The following TSHZ3 variants were observed in gnomAD, a reference collection of about 807,000 sequenced individuals.
TSHZ3 encodes the protein teashirt zinc finger homeobox 3, also known as teashirt homolog 3.
In TSHZ3, 10 loss-of-function variants were observed where a neutral mutation model predicts 64.5. That is an observed-to-expected ratio of 0.16 (90% CI 0.10 to 0.26). TSHZ3 has a LOEUF of 0.26. Among genes scored for constraint, TSHZ3 ranks in the 10% least tolerant of loss-of-function variants. The probability of loss-of-function intolerance (pLI) is 1.00; values close to 1 mark genes in which losing one functional copy is unlikely to be tolerated. For synonymous variants in TSHZ3, 608 were observed against 593.1 expected (o/e 1.03, Z -0.36); for missense variants, 1,242 against 1,421.7 (o/e 0.87, Z 2.03).
intron 4 of TSHZ3, among the ~76,000 whole-genome samples, chr19:31,216,846 C>T (rs539193503): frequency 6.6e-6 from 1 of 151,898 alleles, no homozygotes; most frequent in East Asian, 1.9e-4. Flanking sequence ...TTTGTAGAGA[C>T]ATGGTTTCAC....
downstream of TSHZ3, among the ~76,000 whole-genome samples, chr19:31,274,415 C>T (rs555205801): frequency 6.6e-5 from 10 of 152,264 alleles, no homozygotes; most frequent in African/African-American, 2.4e-4. Flanking sequence ...TTATCTGTGG[C>T]TGTTTTAACA....
At chr19:31,329,645 T>C (rs1053675726) in intron 1 of TSHZ3, among the ~76,000 whole-genome samples, 1 of 152,230 alleles carries the variant, frequency 6.6e-6, no homozygotes, top group Non-Finnish European at 1.5e-5. Flanking sequence ...TAGATGGCTT[T>C]AGATTTTTCA....
At chr19:31,337,223 G>A (rs1441775324) in intron 1 of TSHZ3, among the ~76,000 whole-genome samples, 40 of 151,876 alleles carry the variant, frequency 2.6e-4, no homozygotes, top group Admixed American at 2.6e-3. Flanking sequence ...GGGTGTGATG[G>A]ATGAGCCCCC....
rs991716203 is a variant in TSHZ3 at position 31,242,504 on chromosome 19, G to T, written n.315C>A. ...TGATGTCCAAAGGCAGCAGAAGATG[G>T]GTGCCTCGGTTCTACGTGAGAGAAC... is the stretch of plus-strand genomic sequence containing the variant. On this transcript the variant is annotated non_coding_transcript_exon_variant, in exon 3 of 7. Transcript: ENST00000651361. Among the ~76,000 whole-genome samples the T allele has an allele frequency of 2.6e-5, 4 of 152,060 alleles. 1 individual carries two copies. In the East Asian group the frequency reaches 7.7e-4, roughly 29 times the overall value.
chr19:31,349,834 C>T (rs2021655133), upstream of TSHZ3, among the ~76,000 whole-genome samples: 1 of 148,150 alleles, frequency 6.7e-6, no homozygotes, highest in Non-Finnish European at 1.5e-5. Context: ...GGAGCGGCGG[C>T]GTCGGCAACA....
intron 4 of TSHZ3, among the ~76,000 whole-genome samples, chr19:31,223,211 AAAT>A (rs1255903342): frequency 7.9e-5 from 12 of 152,200 alleles, no homozygotes; most frequent in African/African-American, 1.2e-4. Flanking sequence ...TCAGCTAATA[AAAT>A]AATAAGAATC....
chr19:31,295,953 G>A (rs915788183), intron 1 of TSHZ3, among the ~76,000 whole-genome samples: 2 of 143,268 alleles, frequency 1.4e-5, no homozygotes. Flanking sequence ...CATCTAGTAG[G>A]CCCCAGTGTC....
intron 5 of TSHZ3, among the ~76,000 whole-genome samples, chr19:31,189,125 A>T (rs576799950): frequency 4.0e-4 from 61 of 151,876 alleles, no homozygotes; most frequent in African/African-American, 1.3e-3. Context: ...CATCCTTTTT[A>T]TTACCAACCC....
intron 5 of TSHZ3, among the ~76,000 whole-genome samples, chr19:31,188,759 T>A (rs1226566115): frequency 6.6e-6 from 1 of 151,950 alleles, no homozygotes; most frequent in African/African-American, 2.4e-5. Flanking sequence ...TTTCTTTTAT[T>A]TTAATGTTCT....
chr19:31,238,340 CCA>C (rs1975646668), intron 3 of TSHZ3, among the ~76,000 whole-genome samples: 2 of 151,420 alleles, frequency 1.3e-5, no homozygotes, highest in South Asian at 4.2e-4. Flanking sequence ...ACTGCAACCT[CCA>C]CCTCCCAGGT....
chr19:31,255,850 T>G (rs763373959), intron 1 of TSHZ3, among the ~76,000 whole-genome samples: 2 of 152,150 alleles, frequency 1.3e-5, no homozygotes, highest in Non-Finnish European at 2.9e-5. Flanking sequence ...GTGCCAATCC[T>G]GTTCAAGTGT....
chr19:31,186,310 G>A (rs1974809255), intron 5 of TSHZ3, among the ~76,000 whole-genome samples: 1 of 152,136 alleles, frequency 6.6e-6, no homozygotes, highest in Non-Finnish European at 1.5e-5. Context: ...ATCCCCATGT[G>A]TCACGGGAAG....
At chr19:31,335,545 C>A (rs1241548023) in intron 1 of TSHZ3, among the ~76,000 whole-genome samples, 1 of 152,222 alleles carries the variant, frequency 6.6e-6, no homozygotes, top group Non-Finnish European at 1.5e-5. Context: ...AGGACCACTG[C>A]TGTGTGTTCA....
intron 1 of TSHZ3, among the ~76,000 whole-genome samples, chr19:31,264,253 G>A (rs112383610): frequency 3.9e-5 from 6 of 152,296 alleles, no homozygotes; most frequent in African/African-American, 1.4e-4. Flanking sequence ...GCAGGAGGTG[G>A]TGGACCATCA....
intron 1 of TSHZ3, chr19:31,348,792 C>T (rs183871596): frequency 6.5e-4 from 133 of 204,628 alleles, no homozygotes; most frequent in African/African-American, 2.9e-3. Flanking sequence ...GGCAGTCCCC[C>T]GGCGGTCGGC....
chr19:31,239,475 C>A (rs555705874), intron 3 of TSHZ3, among the ~76,000 whole-genome samples: 157 of 152,226 alleles, frequency 1.0e-3, no homozygotes, highest in African/African-American at 3.7e-3. Flanking sequence ...TAATAAACTT[C>A]CTAACTTTCT....
At chr19:31,238,180 A>G (rs938571888) in intron 3 of TSHZ3, among the ~76,000 whole-genome samples, 1 of 151,974 alleles carries the variant, frequency 6.6e-6, no homozygotes, top group Admixed American at 6.5e-5. Flanking sequence ...TTACCAAAAG[A>G]GAAATGTTAA....
intron 5 of TSHZ3, among the ~76,000 whole-genome samples, chr19:31,179,438 AAG>A (rs1449176568): frequency 1.3e-5 from 2 of 152,244 alleles, no homozygotes; most frequent in Non-Finnish European, 2.9e-5. Flanking sequence ...GTCAAAGAGT[AAG>A]AGAGCCTATG....
At chr19:31,206,458 G>A (rs73924599) in intron 4 of TSHZ3, among the ~76,000 whole-genome samples, 1 of 152,090 alleles carries the variant, frequency 6.6e-6, no homozygotes, top group African/African-American at 2.4e-5. Context: ...GACACCAAAA[G>A]CATGTTTTAT....
Sources: allele counts gnomAD v4.1 joint callset (sites outside exome capture counted in the v4.1 genomes callset), GRCh38; gene constraint gnomAD v4.1.1; transcripts MANE v1.5; gene names NCBI Gene and HGNC (gene_info 2026-07-23, HGNC 2026-07-21).